The following CCDC191 variants were observed in gnomAD, a reference collection of about 807,000 sequenced individuals.
CCDC191 encodes coiled-coil domain-containing protein 191.
CCDC191 carries 99 observed loss-of-function variants against 114.0 expected under a neutral mutation model. The observed-to-expected ratio is 0.87, with a 90% CI of 0.74 to 1.03. The LOEUF is 1.03. Among genes scored for constraint, CCDC191 ranks in the 50% least tolerant of loss-of-function variants. The pLI, the probability that CCDC191 is intolerant of heterozygous loss-of-function variation, is 0.00. For synonymous variants in CCDC191, 351 were observed against 376.0 expected, an observed-to-expected ratio of 0.93 and a Z score of 0.77; for missense variants, 973 against 1,087.0, an observed-to-expected ratio of 0.90 and a Z score of 1.47.
rs1036165185 is a variant in CCDC191, at chr3:113,978,887, G to C, written c.2431C>G (p.Leu811Val). 6.2e-7 allele frequency: 1 copy of C among 1,613,942 alleles called. No homozygotes were observed. Among genetic ancestry groups the C allele is most frequent in the African/African-American group, 1.3e-5 (1 of 75,020 alleles). ...AGCCAGCTCTGGATGACTCTCTTAA[G>C]CAGTATTTGGGAATAAAATTGATCA... ...QADQFYSQIL[L>V]KRVIQSWLQY... The change falls in exon 15 of 17, where the codon CTT becomes GTT. Residue 811 changes from leucine to valine, a missense_variant. By Grantham distance (32) the Leu-to-Val change is conservative (BLOSUM62 1). Coordinates refer to ENST00000295878, the MANE Select transcript of CCDC191 (RefSeq NM_020817.2).
At chr3:114,030,558 C>G (rs1232720622) in intron 7 of CCDC191, among the ~76,000 whole-genome samples, 1 of 152,076 alleles carries the variant, frequency 6.6e-6, no homozygotes, top group African/African-American at 2.4e-5. Flanking sequence ...ACTACATTTC[C>G]TTCTGTTTTC....
intron 13 of CCDC191, among the ~76,000 whole-genome samples, chr3:113,988,206 C>T (rs1366776876): frequency 3.3e-5 from 5 of 150,912 alleles, no homozygotes; most frequent in Non-Finnish European, 7.4e-5. Flanking sequence ...AGATTTTAAT[C>T]CAGTTGTGGC....
intron 8 of CCDC191, among the ~76,000 whole-genome samples, chr3:114,016,664 AT>A (rs2076163324): frequency 6.6e-6 from 1 of 152,214 alleles, no homozygotes; most frequent in African/African-American, 2.4e-5. Flanking sequence ...TTCTGAGAAG[AT>A]CTTTTTTAAA....
intron 8 of CCDC191, 97 bp downstream of exon 8, chr3:114,018,581 T>G (rs752541552): frequency 8.6e-5 from 81 of 947,084 alleles, no homozygotes; most frequent in Non-Finnish European, 1.2e-4. Context: ...TGGTTAAGAT[T>G]ATTCTAGTTG....
In CCDC191 at chr3:114,006,587, GATAT is replaced by G. The variant is rs67264886; in HGVS notation, c.1414-629_1414-626del. Among the ~76,000 whole-genome samples, 88 of 82,608 alleles carry G rather than the reference GATAT, an allele frequency of 1.1e-3. 2 individuals are homozygous for G. Among genetic ancestry groups the G allele is most frequent in the Admixed American group, 5.6e-3 (43 of 7,702 alleles). The allele number at this position is 82,608 out of a possible 152,430, so 54.2% of individuals were successfully genotyped here. A position where few individuals can be genotyped will look rare whatever the true frequency, so the allele number is the denominator to read the frequency against. On this transcript the variant is annotated intron_variant, in intron 9 of 16. Coordinates refer to ENST00000295878, the MANE Select transcript of CCDC191 (RefSeq NM_020817.2). ...TTGTGAATTAGGCAAGGTTACTCCA[GATAT>G]ATATATATATATATATATATATATA...
chr3:114,049,991 C>T (rs1334129100), intron 2 of CCDC191, among the ~76,000 whole-genome samples: 3 of 152,108 alleles, frequency 2.0e-5, no homozygotes, highest in Non-Finnish European at 4.4e-5. Flanking sequence ...AAATAGCTTA[C>T]TTTTTTTGTT....
intron 4 of CCDC191, among the ~76,000 whole-genome samples, chr3:114,041,905 GA>G (rs201938582): frequency 5.4e-5 from 8 of 147,586 alleles, no homozygotes; most frequent in African/African-American, 5.0e-5. Flanking sequence ...CTCTCCTCTG[GA>G]AAAAAAAACT....
intron 8 of CCDC191, among the ~76,000 whole-genome samples, chr3:114,013,806 T>C (rs1223878053): frequency 6.6e-6 from 1 of 152,168 alleles, no homozygotes; most frequent in East Asian, 1.9e-4. Context: ...GGGTGACTGG[T>C]GCATGTTTTG....
intron 13 of CCDC191, among the ~76,000 whole-genome samples, chr3:113,991,944 C>CT (rs1217662516): frequency 9.9e-5 from 15 of 152,008 alleles, no homozygotes; most frequent in Non-Finnish European, 1.5e-5. Context: ...AGGTACAAAT[C>CT]TAACAAAATG....
At chr3:114,013,804 G>A (rs2076114036) in intron 8 of CCDC191, among the ~76,000 whole-genome samples, 1 of 152,144 alleles carries the variant, frequency 6.6e-6, no homozygotes, top group Non-Finnish European at 1.5e-5. Flanking sequence ...CTGGGTGACT[G>A]GTGCATGTTT....
At chr3:114,011,715 C>T (rs2076073299) in intron 8 of CCDC191, among the ~76,000 whole-genome samples, 1 of 152,170 alleles carries the variant, frequency 6.6e-6, no homozygotes, top group Non-Finnish European at 1.5e-5. Context: ...AGGAAGAGCT[C>T]ACTTTGATTC....
At chr3:113,989,987 TAAAG>T (rs2075503332) in intron 13 of CCDC191, among the ~76,000 whole-genome samples, 1 of 152,164 alleles carries the variant, frequency 6.6e-6, no homozygotes, top group South Asian at 2.1e-4. Context: ...GCCCTGTCTC[TAAAG>T]AAAGAAAGAA....
chr3:113,981,004 T>A (rs560072148), intron 13 of CCDC191, among the ~76,000 whole-genome samples: 1 of 152,276 alleles, frequency 6.6e-6, no homozygotes, highest in East Asian at 1.9e-4. Flanking sequence ...TCTACAAGAA[T>A]CAGGGCTATG....
intron 11 of CCDC191, 75 bp from the exon 12 acceptor site, chr3:114,002,613 C>A: frequency 1.5e-6 from 2 of 1,339,908 alleles, no homozygotes; most frequent in Non-Finnish European, 2.0e-6. Context: ...GAAATGTCTC[C>A]ATTTCATAGT....
At chr3:113,992,507 A>G (rs2075601693) in intron 13 of CCDC191, among the ~76,000 whole-genome samples, 1 of 152,330 alleles carries the variant, frequency 6.6e-6, no homozygotes, top group Middle Eastern at 3.4e-3. Context: ...TGAGTAATTT[A>G]AAAATCTAAC....
At chr3:114,016,957 C>T (rs1216648294) in intron 8 of CCDC191, among the ~76,000 whole-genome samples, 13 of 152,136 alleles carry the variant, frequency 8.5e-5, no homozygotes. Context: ...GTATCAATCA[C>T]TAGGTCCTGA....
intron 16 of CCDC191, among the ~76,000 whole-genome samples, chr3:113,975,502 A>ATAT (rs1941253175): frequency 6.6e-6 from 1 of 152,234 alleles, no homozygotes; most frequent in African/African-American, 2.4e-5. Flanking sequence ...CATTTACCAA[A>ATAT]TATTTACTGT....
chr3:114,020,685 C>T (rs2076230660), intron 7 of CCDC191, among the ~76,000 whole-genome samples: 1 of 152,088 alleles, frequency 6.6e-6, no homozygotes, highest in South Asian at 2.1e-4. Context: ...ACTTGTGTGC[C>T]ATGGTTGAAA....
chr3:113,974,302 G>A (rs1316822379), intron 16 of CCDC191, among the ~76,000 whole-genome samples: 1 of 150,886 alleles, frequency 6.6e-6, no homozygotes, highest in African/African-American at 2.4e-5. Context: ...GGAAGGTCAT[G>A]GTTCCCCATT....
Sources: allele counts gnomAD v4.1 joint callset (sites outside exome capture counted in the v4.1 genomes callset), GRCh38; gene constraint gnomAD v4.1.1; transcripts MANE v1.5; gene names NCBI Gene and HGNC (gene_info 2026-07-23, HGNC 2026-07-21).